REPS2: variants seen among roughly 807,000 people sequenced by gnomAD.
The protein encoded by REPS2 is RALBP1 associated Eps domain containing 2.
Under a neutral mutation model 53.6 loss-of-function variants are expected in REPS2, and 23 were observed. That is an observed-to-expected ratio of 0.43 (90% confidence interval 0.31 to 0.61). The LOEUF is 0.61. REPS2 is among the 20% of genes least tolerant of loss of function. The pLI, the probability that REPS2 is intolerant of heterozygous loss-of-function variation, is 0.11. For missense variants in REPS2, 446 were observed against 534.9 expected (o/e 0.83, Z 1.64); for synonymous variants, 238 against 218.6 (o/e 1.09, Z -0.78).
At position 16,954,692 on chromosome X, in the gene REPS2, T is replaced by C. The variant is rs1006738193; in HGVS notation, c.273+7558T>C. 5.4e-5 allele frequency among the ~76,000 whole-genome samples: 6 copies of C among 111,509 alleles called. No individual in the cohort carries two copies. In the East Asian group the frequency reaches 1.4e-3, roughly 26 times the overall value. On this transcript the variant is annotated intron_variant, in intron 1 of 17. Transcript: ENST00000357277. Reference sequence around the variant, plus strand: ...CCAACTGAAGACCAGGAATACAAGATGGATTTGAATATTGTTCTAGCTTCA... The same window carrying C: ...CCAACTGAAGACCAGGAATACAAGACGGATTTGAATATTGTTCTAGCTTCA...
intron 13 of REPS2, among the ~76,000 whole-genome samples, chrX:17,098,508 C>A (rs554374267): frequency 6.3e-5 from 7 of 111,969 alleles, no homozygotes; most frequent in African/African-American, 2.3e-4. Flanking sequence ...CAATGTAGCT[C>A]TAGATCCAAG....
chrX:17,015,483 C>T (rs1330209446), intron 2 of REPS2, among the ~76,000 whole-genome samples: 7 of 110,513 alleles, frequency 6.3e-5, no homozygotes, highest in African/African-American at 2.3e-4. Flanking sequence ...CATATGTATA[C>T]ATGTGCCATG....
chrX:17,124,442 C>T (rs767499259), intron 14 of REPS2, among the ~76,000 whole-genome samples: 2 of 111,721 alleles, frequency 1.8e-5, no homozygotes, highest in Non-Finnish European at 3.8e-5. Context: ...AGAATTCAGT[C>T]TCTTGGACCT....
At chrX:17,139,917 A>G (rs1441753533) in intron 17 of REPS2, among the ~76,000 whole-genome samples, 4 of 111,393 alleles carry the variant, frequency 3.6e-5, no homozygotes, top group African/African-American at 9.8e-5. Flanking sequence ...CAAAGAACCT[A>G]TTTGCATATA....
chrX:17,089,451 A>C (rs1161167280), intron 13 of REPS2, among the ~76,000 whole-genome samples: 1 of 111,708 alleles, frequency 9.0e-6, no homozygotes, highest in African/African-American at 3.3e-5. Flanking sequence ...TTTCTAGTAA[A>C]TTTATCAAAT....
chrX:16,985,555 A>G (rs1221189925), intron 1 of REPS2, among the ~76,000 whole-genome samples: 1 of 112,176 alleles, frequency 8.9e-6, no homozygotes, highest in Non-Finnish European at 1.9e-5. Flanking sequence ...CCTGTGCATC[A>G]TATTTCTTTT....
chrX:17,169,449 G>T, the REPS2 span, among the ~76,000 whole-genome samples: 1 of 111,417 alleles, frequency 9.0e-6, no homozygotes, highest in South Asian at 3.8e-4. Flanking sequence ...GGGGACCGAG[G>T]CAAGAGGATC....
rs879259718 is a variant in REPS2 at position 16,951,559 on chromosome X, A to ACACCCC, written c.273+4426_273+4427insACCCCC. Among the ~76,000 whole-genome samples, 131 of 37,505 alleles carry ACACCCC rather than the reference A, an allele frequency of 3.5e-3. 2 individuals carry two copies. Among genetic ancestry groups the ACACCCC allele is most frequent in the South Asian group, 4.5e-3 (2 of 445 alleles). The allele number at this position is 37,505 out of a possible 115,157, so 32.6% of individuals were successfully genotyped here. On this transcript the variant is annotated intron_variant, in intron 1 of 17. Coordinates refer to ENST00000357277, the MANE Select transcript of REPS2 (RefSeq NM_004726.3). ...CACACACACACACACACACACACACACCCCCGCTACCTACCTCTCTCTGGG... is the reference window on the plus strand; with the variant it reads ...CACACACACACACACACACACACACACACCCCCCCCCGCTACCTACCTCTCTCTGGG...
chrX:16,951,939 A>G (rs150162836), intron 1 of REPS2, among the ~76,000 whole-genome samples: 8 of 111,831 alleles, frequency 7.2e-5, no homozygotes, highest in Non-Finnish European at 1.3e-4. Flanking sequence ...AAAAATGGGA[A>G]CATTATTTTT....
intron 14 of REPS2, among the ~76,000 whole-genome samples, chrX:17,125,582 G>T (rs1434775546): frequency 8.9e-6 from 1 of 112,529 alleles, no homozygotes; most frequent in Non-Finnish European, 1.9e-5. Flanking sequence ...ATCCTGCTCT[G>T]GTTATATTTG....
At chrX:16,970,356 C>G (rs1361278165) in intron 1 of REPS2, among the ~76,000 whole-genome samples, 3 of 110,706 alleles carry the variant, frequency 2.7e-5, no homozygotes, top group African/African-American at 9.9e-5. Context: ...GCCACCACGC[C>G]CAGCTAATTT....
At chrX:17,127,685 C>T (rs1213514890) in intron 14 of REPS2, among the ~76,000 whole-genome samples, 1 of 111,587 alleles carries the variant, frequency 9.0e-6, no homozygotes, top group African/African-American at 3.3e-5. Context: ...CCTTCCTCCA[C>T]CCTGCAAGTC....
At chrX:17,169,298 A>T in the REPS2 span, among the ~76,000 whole-genome samples, 1 of 112,451 alleles carries the variant, frequency 8.9e-6, no homozygotes. Context: ...CATCCTGATG[A>T]GCTAGAAGAT....
intron 5 of REPS2, among the ~76,000 whole-genome samples, chrX:17,033,885 C>T (rs1000222968): frequency 7.1e-5 from 8 of 112,015 alleles, no homozygotes; most frequent in African/African-American, 2.6e-4. Flanking sequence ...AGCTCACTGC[C>T]GCTTTCCCTC....
intron 14 of REPS2, among the ~76,000 whole-genome samples, chrX:17,119,811 G>A (rs2063115451): frequency 9.3e-6 from 1 of 107,102 alleles, no homozygotes; most frequent in African/African-American, 3.4e-5. Context: ...GGTTTTCTAG[G>A]TTTCTGAGCA....
rs748349944 is a variant in REPS2 at position 17,150,359 on chromosome X, G to C, written c.*2878G>C. The C allele has an allele frequency of 4.4e-5, 5 of 112,386 alleles. No homozygotes were observed. The East Asian group carries it at 1.1e-3, about 25-fold the overall frequency. The allele number at this position is 112,386 out of a possible 1,213,427, so 9.3% of individuals were successfully genotyped here. A position where few individuals can be genotyped will look rare whatever the true frequency, so the allele number is the denominator to read the frequency against. ...GGGTTGAATTACCTTGCTGTTAAGTGGTCTTCCCCCATTGGGATCCTACAG... is the reference window on the plus strand; with the variant it reads ...GGGTTGAATTACCTTGCTGTTAAGTCGTCTTCCCCCATTGGGATCCTACAG... On this transcript the variant is annotated 3_prime_UTR_variant, in exon 18 of 18. Coordinates refer to ENST00000357277, the MANE Select transcript of REPS2 (RefSeq NM_004726.3).
chrX:16,984,364 A>C (rs762244518), intron 1 of REPS2, among the ~76,000 whole-genome samples: 42 of 112,181 alleles, frequency 3.7e-4, no homozygotes, highest in Non-Finnish European at 6.2e-4. Context: ...GAGAGACAGC[A>C]AGGCAGAAGC....
intron 2 of REPS2, among the ~76,000 whole-genome samples, chrX:17,007,273 C>T (rs772160191): frequency 8.9e-6 from 1 of 111,871 alleles, no homozygotes; most frequent in South Asian, 3.8e-4. Context: ...AGACCAAGCC[C>T]TTCACACTAA....
chrX:17,147,363 A>G (rs752790336), intron 17 of REPS2, 50 bp from the exon 18 acceptor site: 1 of 1,018,848 alleles, frequency 9.8e-7, no homozygotes, highest in Non-Finnish European at 1.4e-6. Flanking sequence ...GATGAATTCA[A>G]GAAATGACCC....
Sources: allele counts gnomAD v4.1 joint callset (sites outside exome capture counted in the v4.1 genomes callset), GRCh38; gene constraint gnomAD v4.1.1; transcripts MANE v1.5; gene names NCBI Gene and HGNC (gene_info 2026-07-23, HGNC 2026-07-21).